MBOAT2: variants seen among roughly 807,000 people sequenced by gnomAD.
The protein encoded by MBOAT2 is membrane-bound glycerophospholipid O-acyltransferase 2.
A neutral mutation model predicts 63.4 loss-of-function variants in MBOAT2; 28 were observed. The ratio of observed to expected loss-of-function variants is 0.44; its 90% confidence interval spans 0.33 to 0.61. The LOEUF is 0.61. Ranked by LOEUF, MBOAT2 falls within the 20% of genes least tolerant of loss-of-function variation. The pLI is 0.03. For synonymous variants in MBOAT2, 211 were observed against 215.6 expected (o/e 0.98, Z 0.19); for missense variants, 470 against 605.8 (o/e 0.78, Z 2.35).
chr2:8,872,955 T>C (rs1457019968), intron 8 of MBOAT2, among the ~76,000 whole-genome samples, 153 bp downstream of exon 8: 1 of 152,230 alleles, frequency 6.6e-6, no homozygotes, highest in East Asian at 1.9e-4. Context: ...TATACTTACA[T>C]ATGAGTTGCG....
chr2:8,945,507 A>T (rs1483151786), intron 2 of MBOAT2, among the ~76,000 whole-genome samples: 1 of 152,182 alleles, frequency 6.6e-6, no homozygotes, highest in African/African-American at 2.4e-5. Flanking sequence ...TTAAAGATAG[A>T]TATGTTAAAA....
At chr2:8,922,297 T>G (rs979003282) in intron 3 of MBOAT2, among the ~76,000 whole-genome samples, 1 of 152,210 alleles carries the variant, frequency 6.6e-6, no homozygotes, top group Admixed American at 6.5e-5. Flanking sequence ...TTAAATGTAT[T>G]TATAATAGTT....
chr2:8,916,098 A>G (rs1316350247), intron 3 of MBOAT2, among the ~76,000 whole-genome samples: 1 of 152,228 alleles, frequency 6.6e-6, no homozygotes, highest in African/African-American at 2.4e-5. Context: ...GTCCATCTTT[A>G]GCTTACAAGG....
At chr2:8,946,159 T>C (rs572854695) in intron 2 of MBOAT2, among the ~76,000 whole-genome samples, 1 of 152,236 alleles carries the variant, frequency 6.6e-6, no homozygotes, top group Non-Finnish European at 1.5e-5. Context: ...CCATGTTTTC[T>C]GTAGTTTTAC....
At chr2:8,868,342 TA>T (rs1558552797) in intron 9 of MBOAT2, 103 bp downstream of exon 9, 1 of 923,728 alleles carries the variant, frequency 1.1e-6, no homozygotes, top group Non-Finnish European at 1.7e-6. Context: ...GTGTTAATAT[TA>T]AAAAACCTTC....
intron 6 of MBOAT2, among the ~76,000 whole-genome samples, chr2:8,877,923 T>C (rs1572944472): frequency 6.6e-6 from 1 of 152,076 alleles, no homozygotes; most frequent in Non-Finnish European, 1.5e-5. Flanking sequence ...GGAAGACAGC[T>C]GAGGTGAGAT....
At chr2:9,002,205 A>G (rs1430963027) in intron 1 of MBOAT2, among the ~76,000 whole-genome samples, 7 of 152,234 alleles carry the variant, frequency 4.6e-5, no homozygotes, top group African/African-American at 1.7e-4. Context: ...CAAGACACCC[A>G]TTAGAACTCT....
At chr2:8,876,720 G>A (rs912596757) in intron 7 of MBOAT2, among the ~76,000 whole-genome samples, 5 of 150,712 alleles carry the variant, frequency 3.3e-5, no homozygotes, top group African/African-American at 7.3e-5. Context: ...AAGGGGGAAG[G>A]GGGAAGGGGG....
At chr2:8,974,427 G>T (rs1374193713) in intron 1 of MBOAT2, 2 of 456,424 alleles carry the variant, frequency 4.4e-6, no homozygotes, top group African/African-American at 4.0e-5. Flanking sequence ...GAATCATGTG[G>T]CGGGCAGCCT....
chr2:8,998,439 T>C (rs1672458412), intron 1 of MBOAT2, among the ~76,000 whole-genome samples: 1 of 152,210 alleles, frequency 6.6e-6, no homozygotes, highest in African/African-American at 2.4e-5. Flanking sequence ...CTAAAAGTCA[T>C]ACTCTTAAGA....
intron 1 of MBOAT2, among the ~76,000 whole-genome samples, chr2:8,988,637 T>C (rs569268097): frequency 6.6e-6 from 1 of 152,328 alleles, no homozygotes; most frequent in East Asian, 1.9e-4. Flanking sequence ...ATTTGTAAGC[T>C]TGTTTAGTAT....
chr2:8,917,737 C>T (rs879467154), intron 3 of MBOAT2, among the ~76,000 whole-genome samples: 1 of 152,132 alleles, frequency 6.6e-6, no homozygotes, highest in Non-Finnish European at 1.5e-5. Context: ...TAGGTATTTA[C>T]ACAAGAGAAA....
intron 1 of MBOAT2, among the ~76,000 whole-genome samples, chr2:8,996,992 T>C (rs536873482): frequency 3.9e-5 from 6 of 152,212 alleles, no homozygotes; most frequent in African/African-American, 9.6e-5. Context: ...ACGGTTAGGA[T>C]TGGGAAGCCA....
rs146510291 is a variant in MBOAT2 at position 8,871,377 on chromosome 2, C to T, written c.883+1731G>A. Among the ~76,000 whole-genome samples, 156 of 152,222 alleles carry T rather than the reference C, an allele frequency of 1.0e-3. 1 individual carries two copies. The East Asian group carries it at 0.026, about 25-fold the overall frequency. On this transcript the variant is annotated intron_variant, in intron 8 of 12. Transcript: ENST00000305997. ...AAAAGCCTTATAAATTCAAGGACCT[C>T]GTTCTATTGATAAGATTTCCAACAA...
chr2:8,972,046 G>GC (rs1356474782), intron 1 of MBOAT2, among the ~76,000 whole-genome samples: 1 of 152,156 alleles, frequency 6.6e-6, no homozygotes, highest in Non-Finnish European at 1.5e-5. Flanking sequence ...CCAAAAAAGA[G>GC]CCCACATAGC....
At chr2:8,943,529 G>A (rs921459298) in intron 2 of MBOAT2, among the ~76,000 whole-genome samples, 7 of 152,170 alleles carry the variant, frequency 4.6e-5, no homozygotes, top group Non-Finnish European at 1.5e-5. Flanking sequence ...CATGGAAGCC[G>A]TGTGGGATTA....
At chr2:8,894,582 G>A (rs952917845) in intron 4 of MBOAT2, among the ~76,000 whole-genome samples, 1 of 152,224 alleles carries the variant, frequency 6.6e-6, no homozygotes, top group African/African-American at 2.4e-5. Context: ...ATTAGACTCT[G>A]AACGTGAATA....
intron 4 of MBOAT2, among the ~76,000 whole-genome samples, chr2:8,904,271 G>GC (rs1211644433): frequency 1.3e-5 from 2 of 151,624 alleles, no homozygotes; most frequent in African/African-American, 4.9e-5. Context: ...ACCATGCCCA[G>GC]CCCCATTCGT....
intron 1 of MBOAT2, among the ~76,000 whole-genome samples, chr2:8,998,776 T>C (rs1211580610): frequency 2.6e-5 from 4 of 152,116 alleles, no homozygotes; most frequent in African/African-American, 9.7e-5. Context: ...GGACCTTCAG[T>C]TGCTCTCCTC....
Sources: allele counts gnomAD v4.1 joint callset (sites outside exome capture counted in the v4.1 genomes callset), GRCh38; gene constraint gnomAD v4.1.1; transcripts MANE v1.5; gene names NCBI Gene and HGNC (gene_info 2026-07-23, HGNC 2026-07-21).